The following CDK12 variants were observed in gnomAD, a reference collection of about 807,000 sequenced individuals.
The protein encoded by CDK12 is cyclin dependent kinase 12.
CDK12 carries 17 observed loss-of-function variants against 133.8 expected under a neutral mutation model. That is an observed-to-expected ratio of 0.13 (90% CI 0.09 to 0.19). CDK12 has a LOEUF of 0.19. Among genes scored for constraint, CDK12 ranks in the 10% least tolerant of loss-of-function variants. CDK12 has a pLI of 1.00. For missense variants in CDK12, 1,508 were observed against 1,818.7 expected (o/e 0.83, Z 3.11); for synonymous variants, 694 against 683.6 (o/e 1.02, Z -0.24).
At chr17:39,476,418 T>A (rs999070369) in intron 2 of CDK12, among the ~76,000 whole-genome samples, 4 of 151,684 alleles carry the variant, frequency 2.6e-5, no homozygotes, top group Non-Finnish European at 5.9e-5. Context: ...CTATTTATTA[T>A]TTTATTTATT....
chr17:39,547,091 T>C (rs188278465), upstream of CDK12, among the ~76,000 whole-genome samples: 3 of 152,158 alleles, frequency 2.0e-5, no homozygotes, highest in East Asian at 3.9e-4. Flanking sequence ...CAGATGTGCA[T>C]TCTTCCTAGT....
intron 8 of CDK12, among the ~76,000 whole-genome samples, chr17:39,513,894 A>G (rs2053637839): frequency 6.6e-6 from 1 of 152,188 alleles, no homozygotes. Context: ...AGAATCGAGG[A>G]GAAACTAGAA....
At chr17:39,502,031 G>T (rs1040989644) in intron 6 of CDK12, among the ~76,000 whole-genome samples, 1 of 151,752 alleles carries the variant, frequency 6.6e-6, no homozygotes, top group Non-Finnish European at 1.5e-5. Context: ...TTTCAGTAGA[G>T]ATGGGGTTTC....
At position 39,532,175 on chromosome 17, in the gene CDK12, T is replaced by C. The variant is rs2054906284; in HGVS notation, c.*859T>C. On this transcript the variant is annotated 3_prime_UTR_variant, in exon 14 of 14. Transcript: ENST00000447079. ...CTTGCTCGCTCTCGCTGTTTCTCTC[T>C]CTTTGAGGCATTTGTTTGGAAAAAA... 4.3e-6 allele frequency: 1 copy of C among 232,718 alleles called. No individual in the cohort carries two copies. Among genetic ancestry groups the C allele is most frequent in the Non-Finnish European group, 8.5e-6 (1 of 117,902 alleles). 14.4% of individuals were successfully genotyped at this position (232,718 alleles called of 1,614,324 possible).
chr17:39,522,243 A>G (rs535458021), intron 11 of CDK12, among the ~76,000 whole-genome samples: 3 of 151,236 alleles, frequency 2.0e-5, no homozygotes, highest in African/African-American at 2.4e-5. Flanking sequence ...ATGCGCCCCC[A>G]TGCCTGGCTA....
intron 2 of CDK12, among the ~76,000 whole-genome samples, chr17:39,553,381 G>A (rs1224447453): frequency 2.0e-5 from 3 of 151,802 alleles, no homozygotes; most frequent in Non-Finnish European, 2.9e-5. Context: ...GTGTCCATCA[G>A]CACCCAAGGA....
At chr17:39,542,470 C>T (rs907852290) in intron 1 of CDK12, among the ~76,000 whole-genome samples, 3 of 151,958 alleles carry the variant, frequency 2.0e-5, no homozygotes, top group Admixed American at 1.3e-4. Context: ...GGATTACAGG[C>T]GTGAGCCACC....
In CDK12 at chr17:39,462,663, A is replaced by G; in HGVS notation, c.592A>G (p.Ser198Gly). The G allele has an allele frequency of 1.2e-6, 2 of 1,614,182 alleles. No individual in the cohort carries two copies. Residue 198 changes from serine (S) to glycine (G), a missense_variant, in exon 1 of 14, where the codon AGT (serine) becomes GGT (glycine). Around this residue, in one of 9 missense-constraint regions of CDK12, gnomAD observed 460 missense variants for 490.8 expected, o/e 0.94. Coordinates refer to ENST00000447079, the MANE Select transcript of CDK12 (RefSeq NM_016507.4). ...GCTGAAGTCTGGGCACAAAGACCGG[A>G]GTAAAAGTCATCGAAAAAGGGAAAC... Reference protein sequence around the residue: ...RELKSGHKDRSKSHRKRETPK... With the variant: ...RELKSGHKDRGKSHRKRETPK...
At chr17:39,494,914 C>T (rs551012637) in intron 5 of CDK12, among the ~76,000 whole-genome samples, 25 of 151,970 alleles carry the variant, frequency 1.6e-4, no homozygotes, top group Admixed American at 2.6e-4. Flanking sequence ...GGACTACAGG[C>T]GCCCGCCACC....
chr17:39,486,405 A>G (rs1179652610), intron 2 of CDK12, among the ~76,000 whole-genome samples: 1 of 151,794 alleles, frequency 6.6e-6, no homozygotes, highest in Non-Finnish European at 1.5e-5. Flanking sequence ...AGCTGGGACC[A>G]GAAGTGCATG....
chr17:39,469,149 C>T (rs1243820743), intron 1 of CDK12, among the ~76,000 whole-genome samples: 1 of 152,070 alleles, frequency 6.6e-6, no homozygotes, highest in African/African-American at 2.4e-5. Flanking sequence ...TGTTTTGTCA[C>T]ACATTGAGGC....
intron 2 of CDK12, among the ~76,000 whole-genome samples, chr17:39,475,449 T>C (rs1248984898): frequency 6.6e-6 from 1 of 152,002 alleles, no homozygotes; most frequent in Non-Finnish European, 1.5e-5. Flanking sequence ...CGCCAGCTTG[T>C]GTGAAAGAGA....
chr17:39,467,242 G>A (rs538476551), intron 1 of CDK12, among the ~76,000 whole-genome samples: 1 of 152,112 alleles, frequency 6.6e-6, no homozygotes, highest in East Asian at 1.9e-4. Context: ...CTCCCAAAGC[G>A]CTGGGATTAC....
chr17:39,501,157 G>A (rs1157128926), intron 5 of CDK12, 93 bp from the exon 6 acceptor site: 3 of 836,190 alleles, frequency 3.6e-6, no homozygotes, highest in Non-Finnish European at 5.4e-6. Context: ...GAGAACCTGT[G>A]GTCAACTCCA....
chr17:39,482,481 C>CT (rs369077349), intron 2 of CDK12, among the ~76,000 whole-genome samples: 21 of 145,966 alleles, frequency 1.4e-4, no homozygotes, highest in South Asian at 2.2e-4. Flanking sequence ...CTTAACTAAA[C>CT]TTTTTTTTTT....
intron 11 of CDK12, among the ~76,000 whole-genome samples, chr17:39,524,428 C>T (rs2146681007): frequency 6.6e-6 from 1 of 152,332 alleles, no homozygotes; most frequent in Middle Eastern, 3.4e-3. Context: ...TGGTCTGTAC[C>T]TAGTATTAGC....
intron 9 of CDK12, among the ~76,000 whole-genome samples, chr17:39,516,641 C>G (rs2053824748): frequency 6.6e-6 from 1 of 150,900 alleles, no homozygotes; most frequent in African/African-American, 2.4e-5. Flanking sequence ...CGTGAGCCAC[C>G]ACACCAGCCT....
rs1245119587 is a variant in CDK12 at position 39,519,941 on chromosome 17, T to C, written c.2964-15T>C. On this transcript the variant is annotated splice_polypyrimidine_tract_variant and intron_variant, in intron 10 of 13. Coordinates refer to ENST00000447079, the MANE Select transcript of CDK12 (RefSeq NM_016507.4). ...GGTCATTGTGAACTTGTCCTTTCTG[T>C]GTTCTTTTCCATAGCATTCCTTCTG... 14 of 1,613,398 alleles carry C rather than the reference T, an allele frequency of 8.7e-6. No individual in the cohort carries two copies. Among genetic ancestry groups the C allele is most frequent in the Non-Finnish European group, 1.2e-5 (14 of 1,179,674 alleles).
At chr17:39,493,459 C>A (rs750350799) in intron 4 of CDK12, among the ~76,000 whole-genome samples, 1 of 151,932 alleles carries the variant, frequency 6.6e-6, no homozygotes, top group African/African-American at 2.4e-5. Context: ...CAGGCATGCA[C>A]CACCACACCC....
Sources: gnomAD v4.1 joint callset for allele counts (sites outside exome capture counted in the v4.1 genomes callset) on GRCh38, gnomAD v4.1.1 for gene constraint, gnomAD v4.1.1 regional missense constraint, MANE v1.5 for transcripts, NCBI Gene and HGNC (gene_info 2026-07-23, HGNC 2026-07-21) for gene names.